Variants in ARHGEF28 observed in about 807,000 individuals in gnomAD.
The protein encoded by ARHGEF28 is Rho guanine nucleotide exchange factor 28.
Under a neutral mutation model 206.6 loss-of-function variants are expected in ARHGEF28, and 152 were observed. The observed-to-expected ratio is 0.74, with a 90% CI of 0.64 to 0.84. The LOEUF is 0.84. Ranked by LOEUF, ARHGEF28 falls within the 40% of genes least tolerant of loss-of-function variation. The pLI is 0.00. For synonymous variants in ARHGEF28, 763 were observed against 776.4 expected (o/e 0.98, Z 0.29); for missense variants, 2,028 against 2,073.2 (o/e 0.98, Z 0.42).
At chr5:73,880,616 T>G (rs1760859005) in intron 22 of ARHGEF28, among the ~76,000 whole-genome samples, 1 of 152,158 alleles carries the variant, frequency 6.6e-6, no homozygotes, top group Admixed American at 6.5e-5. Flanking sequence ...GTCTCAAACA[T>G]GTTCTCCTAT....
intron 1 of ARHGEF28, among the ~76,000 whole-genome samples, chr5:73,634,754 CT>C (rs1391985315): frequency 6.6e-6 from 1 of 152,164 alleles, no homozygotes; most frequent in Non-Finnish European, 1.5e-5. Context: ...TAGAGATGTT[CT>C]TTCTCTCCTT....
At chr5:73,838,167 A>C (rs1033197944) in intron 10 of ARHGEF28, among the ~76,000 whole-genome samples, 2 of 152,274 alleles carry the variant, frequency 1.3e-5, no homozygotes, top group Admixed American at 6.5e-5. Flanking sequence ...AACAAACTGC[A>C]ACATAGCAGA....
At chr5:73,858,460 A>T (rs1192341345) in intron 16 of ARHGEF28, among the ~76,000 whole-genome samples, 1 of 152,064 alleles carries the variant, frequency 6.6e-6, no homozygotes, top group African/African-American at 2.4e-5. Context: ...AGCGTCTCAG[A>T]TGTTACATCT....
chr5:73,751,922 G>A (rs1369074520), intron 3 of ARHGEF28, among the ~76,000 whole-genome samples: 2 of 152,084 alleles, frequency 1.3e-5, no homozygotes, highest in Non-Finnish European at 2.9e-5. Flanking sequence ...TTTAAGAGTC[G>A]ATGACAAAGT....
chr5:73,641,977 A>T lies in ARHGEF28; in HGVS notation c.-12+15655A>T, dbSNP rs1744138142. On this transcript the variant is annotated intron_variant, in intron 1 of 35. Coordinates refer to ENST00000513042, the MANE Select transcript of ARHGEF28 (RefSeq NM_001177693.2). Reference sequence around the variant, plus strand: ...TGCTTTGCAGATAAGGGAACTAAGGAGCTGAGAGGTTAAGCAACCTGCTGC... The same window carrying T: ...TGCTTTGCAGATAAGGGAACTAAGGTGCTGAGAGGTTAAGCAACCTGCTGC... Among the ~76,000 whole-genome samples, 3 of 152,198 alleles carry T rather than the reference A, an allele frequency of 2.0e-5. No individual in the cohort carries two copies. In the South Asian group the frequency reaches 6.2e-4, roughly 32 times the overall value.
chr5:73,648,079 T>A (rs1340635309), intron 1 of ARHGEF28, among the ~76,000 whole-genome samples: 1 of 152,240 alleles, frequency 6.6e-6, no homozygotes, highest in Non-Finnish European at 1.5e-5. Context: ...GTTGTAATAT[T>A]TTAAGAATAA....
chr5:73,703,647 T>TTGTG (rs56160198), intron 2 of ARHGEF28, among the ~76,000 whole-genome samples: 8,622 of 139,646 alleles, frequency 0.062, 272 homozygotes, highest in East Asian at 0.1. Context: ...TTTCCCAGCA[T>TTGTG]TGTGTGTGTG....
At chr5:73,681,938 GA>G (rs1747130663) in intron 1 of ARHGEF28, among the ~76,000 whole-genome samples, 1 of 152,080 alleles carries the variant, frequency 6.6e-6, no homozygotes, top group Non-Finnish European at 1.5e-5. Context: ...TATCTGTACA[GA>G]AAAATACAAC....
chr5:73,775,831 T>G (rs1389377591), intron 5 of ARHGEF28, among the ~76,000 whole-genome samples: 3 of 123,182 alleles, frequency 2.4e-5, no homozygotes, highest in African/African-American at 1.0e-4. Flanking sequence ...AATTTACAAA[T>G]GTACAAATGT....
At chr5:73,660,574 A>G (rs1274518988) in intron 1 of ARHGEF28, among the ~76,000 whole-genome samples, 3 of 152,206 alleles carry the variant, frequency 2.0e-5, no homozygotes, top group Admixed American at 6.5e-5. Flanking sequence ...ATTAATCATT[A>G]TTTATGGCAA....
chr5:73,906,249 A>AT (rs1273826742), intron 33 of ARHGEF28, among the ~76,000 whole-genome samples: 2 of 151,620 alleles, frequency 1.3e-5, no homozygotes, highest in East Asian at 3.9e-4. Flanking sequence ...TTATTTATTT[A>AT]TTTTTTTGAG....
intron 7 of ARHGEF28, among the ~76,000 whole-genome samples, chr5:73,784,475 A>G (rs931123223): frequency 6.6e-6 from 1 of 152,208 alleles, no homozygotes. Flanking sequence ...TAAGCTAATT[A>G]TTAGTATTAA....
chr5:73,767,674 A>C (rs1453276763), intron 4 of ARHGEF28, among the ~76,000 whole-genome samples: 1 of 152,188 alleles, frequency 6.6e-6, no homozygotes, highest in Non-Finnish European at 1.5e-5. Context: ...AGGGAAGCAG[A>C]GCATAAAAGT....
At chr5:73,684,453 C>T (rs891804616) in intron 1 of ARHGEF28, among the ~76,000 whole-genome samples, 6 of 152,194 alleles carry the variant, frequency 3.9e-5, no homozygotes, top group African/African-American at 7.2e-5. Context: ...GTGTATACCA[C>T]ATTTTGATTA....
intron 12 of ARHGEF28, among the ~76,000 whole-genome samples, chr5:73,847,731 C>G (rs1000054854): frequency 2.6e-5 from 4 of 152,086 alleles, no homozygotes; most frequent in African/African-American, 9.7e-5. Flanking sequence ...AACTTTTTGC[C>G]AAAGTTTTGG....
intron 2 of ARHGEF28, among the ~76,000 whole-genome samples, chr5:73,698,000 G>A (rs866632390): frequency 1.3e-5 from 2 of 152,156 alleles, no homozygotes; most frequent in South Asian, 4.1e-4. Flanking sequence ...GAGGCCTGAA[G>A]ATTATGCCAT....
chr5:73,849,767 T>A (rs1758586173), intron 13 of ARHGEF28, among the ~76,000 whole-genome samples: 2 of 151,980 alleles, frequency 1.3e-5, no homozygotes, highest in African/African-American at 4.8e-5. Context: ...TCTAAGCCAC[T>A]CCTCCCATTT....
intron 1 of ARHGEF28, among the ~76,000 whole-genome samples, chr5:73,629,609 C>G (rs2112111804): frequency 6.6e-6 from 1 of 151,586 alleles, no homozygotes; most frequent in East Asian, 1.9e-4. Flanking sequence ...CCATTTTTCC[C>G]TTGAAATTTG....
chr5:73,861,725 A>C (rs1004365161), intron 16 of ARHGEF28, among the ~76,000 whole-genome samples: 1 of 152,220 alleles, frequency 6.6e-6, no homozygotes, highest in African/African-American at 2.4e-5. Flanking sequence ...TCCTTTGCAC[A>C]TATCATTGTC....
Sources: gnomAD v4.1 joint callset for allele counts (sites outside exome capture counted in the v4.1 genomes callset) on GRCh38, gnomAD v4.1.1 for gene constraint, MANE v1.5 for transcripts, NCBI Gene and HGNC (gene_info 2026-07-23, HGNC 2026-07-21) for gene names.